CHCHD6: variants seen among roughly 807,000 people sequenced by gnomAD.
The protein encoded by CHCHD6 is MICOS complex subunit MIC25.
In CHCHD6, 28 loss-of-function variants were observed where a neutral mutation model predicts 32.3. The ratio of observed to expected loss-of-function variants is 0.87; its 90% CI spans 0.64 to 1.19. CHCHD6 has a LOEUF of 1.19. Ranked by LOEUF, CHCHD6 falls within the 50% of genes most tolerant of loss-of-function variation. CHCHD6 has a pLI of 0.00. For synonymous variants in CHCHD6, 122 were observed against 117.5 expected (o/e 1.04, Z -0.25); for missense variants, 333 against 307.0 (o/e 1.08, Z -0.63).
At chr3:126,720,500 G>A (rs1019735106) in intron 1 of CHCHD6, among the ~76,000 whole-genome samples, 4 of 152,130 alleles carry the variant, frequency 2.6e-5, no homozygotes, top group African/African-American at 9.7e-5. Context: ...TCCCTCAAAG[G>A]GCCTGGTTTG....
chr3:126,942,068 G>C (rs1387582975), intron 6 of CHCHD6, among the ~76,000 whole-genome samples: 3 of 152,190 alleles, frequency 2.0e-5, no homozygotes, highest in Non-Finnish European at 4.4e-5. Flanking sequence ...TCTGTAGGGA[G>C]AGCCCCAGCC....
chr3:126,779,597 G>A (rs1937830430), intron 4 of CHCHD6, among the ~76,000 whole-genome samples: 1 of 150,564 alleles, frequency 6.6e-6, no homozygotes, highest in South Asian at 2.1e-4. Flanking sequence ...GGTCTGTGAT[G>A]TCTTTGGAGT....
intron 5 of CHCHD6, among the ~76,000 whole-genome samples, chr3:126,857,280 A>G (rs1029341480): frequency 6.6e-6 from 1 of 152,170 alleles, no homozygotes; most frequent in Non-Finnish European, 1.5e-5. Flanking sequence ...GTCTCACTTT[A>G]TCCAAACTCA....
intron 4 of CHCHD6, among the ~76,000 whole-genome samples, chr3:126,779,738 T>C (rs2107680548): frequency 6.6e-6 from 1 of 152,258 alleles, no homozygotes; most frequent in South Asian, 2.1e-4. Context: ...CTGGCATGCT[T>C]GTTGAAAGTA....
chr3:126,809,145 T>C (rs1939547325), intron 4 of CHCHD6, among the ~76,000 whole-genome samples: 1 of 152,146 alleles, frequency 6.6e-6, no homozygotes, highest in African/African-American at 2.4e-5. Context: ...CTAATTTTTT[T>C]GTATTTTTAG....
At chr3:126,782,925 A>G (rs1392652848) in intron 4 of CHCHD6, among the ~76,000 whole-genome samples, 4 of 152,192 alleles carry the variant, frequency 2.6e-5, no homozygotes, top group Admixed American at 2.6e-4. Context: ...GGTGTAAGGT[A>G]GGGGTTCAGT....
intron 6 of CHCHD6, among the ~76,000 whole-genome samples, chr3:126,948,114 C>A (rs1034550913): frequency 2.6e-5 from 4 of 152,220 alleles, no homozygotes; most frequent in African/African-American, 9.7e-5. Context: ...TCCTGCCCAT[C>A]CCCGCTCCCC....
intron 5 of CHCHD6, among the ~76,000 whole-genome samples, chr3:126,903,218 A>G (rs1373536068): frequency 6.6e-6 from 1 of 152,226 alleles, no homozygotes; most frequent in African/African-American, 2.4e-5. Flanking sequence ...TAGGATCAGC[A>G]CAAAGAGCAG....
chr3:126,731,064 C>T (rs1442325442), intron 3 of CHCHD6, among the ~76,000 whole-genome samples: 1 of 132,106 alleles, frequency 7.6e-6, no homozygotes, highest in Non-Finnish European at 1.5e-5. Context: ...GCTGTGATTG[C>T]ACCACTGAAC....
chr3:126,773,793 A>T (rs574303869), intron 4 of CHCHD6, among the ~76,000 whole-genome samples: 1 of 151,676 alleles, frequency 6.6e-6, no homozygotes, highest in South Asian at 2.1e-4. Flanking sequence ...TTTAGTAGAG[A>T]TGGGGTTTCA....
intron 4 of CHCHD6, chr3:126,767,508 C>T (rs1180443955): frequency 1.9e-6 from 1 of 535,090 alleles, no homozygotes; most frequent in African/African-American, 1.9e-5. Flanking sequence ...TAGGTGCTCT[C>T]TTTTCTGTCC....
At chr3:126,837,202 C>T (rs901067418) in intron 4 of CHCHD6, among the ~76,000 whole-genome samples, 3 of 152,166 alleles carry the variant, frequency 2.0e-5, no homozygotes. Context: ...TAAAACTTTA[C>T]CTCTGCCATG....
intron 5 of CHCHD6, among the ~76,000 whole-genome samples, chr3:126,889,745 C>T (rs890175639): frequency 4.6e-5 from 7 of 152,224 alleles, no homozygotes; most frequent in Admixed American, 2.6e-4. Flanking sequence ...CCCAGAGTCT[C>T]GAGAGCTGGA....
chr3:126,819,813 A>G (rs1940075129), intron 4 of CHCHD6, among the ~76,000 whole-genome samples: 1 of 152,384 alleles, frequency 6.6e-6, no homozygotes, highest in South Asian at 2.1e-4. Flanking sequence ...GAAAGGCAGC[A>G]TGCCTGGGTT....
intron 5 of CHCHD6, among the ~76,000 whole-genome samples, chr3:126,906,877 G>A (rs1182440878): frequency 1.3e-5 from 2 of 152,160 alleles, no homozygotes; most frequent in East Asian, 1.9e-4. Flanking sequence ...GAAGAAGCAC[G>A]TTCAGGGAAG....
intron 4 of CHCHD6, among the ~76,000 whole-genome samples, chr3:126,784,699 G>C (rs1938116554): frequency 6.6e-6 from 1 of 152,088 alleles, no homozygotes; most frequent in South Asian, 2.1e-4. Context: ...CTGCCTCTCA[G>C]TTCATGGAAG....
intron 1 of CHCHD6, among the ~76,000 whole-genome samples, chr3:126,712,745 A>C (rs1247144077): frequency 6.6e-6 from 1 of 152,060 alleles, no homozygotes; most frequent in Non-Finnish European, 1.5e-5. Context: ...ATTCTCTTTC[A>C]TCCTCATTCA....
At chr3:126,785,858 A>G (rs537768250) in intron 4 of CHCHD6, among the ~76,000 whole-genome samples, 1 of 152,236 alleles carries the variant, frequency 6.6e-6, no homozygotes, top group South Asian at 2.1e-4. Flanking sequence ...TTTAAGTTCT[A>G]GGGTACATGT....
intron 5 of CHCHD6, among the ~76,000 whole-genome samples, chr3:126,898,480 G>T (rs1402736926): frequency 6.6e-6 from 1 of 152,188 alleles, no homozygotes; most frequent in South Asian, 2.1e-4. Context: ...AGATATTTTG[G>T]AAGTGGGTAG....
Sources: gnomAD v4.1 joint callset for allele counts (sites outside exome capture counted in the v4.1 genomes callset) on GRCh38, gnomAD v4.1.1 for gene constraint, MANE v1.5 for transcripts, NCBI Gene and HGNC (gene_info 2026-07-23, HGNC 2026-07-21) for gene names.